ASTN2: variants seen among roughly 807,000 people sequenced by gnomAD.
The protein encoded by ASTN2 is astrotactin 2.
Under a neutral mutation model 139.8 loss-of-function variants are expected in ASTN2, and 54 were observed. That is an observed-to-expected ratio of 0.39 (90% CI 0.31 to 0.48). The LOEUF is 0.48. ASTN2 is among the 20% of genes least tolerant of loss of function. ASTN2 has a pLI of 0.95. For missense variants in ASTN2, 1,565 were observed against 1,725.1 expected, an observed-to-expected ratio of 0.91 and a Z score of 1.64; for synonymous variants, 756 against 719.5, an observed-to-expected ratio of 1.05 and a Z score of -0.81.
intron 10 of ASTN2, among the ~76,000 whole-genome samples, chr9:116,868,019 G>C (rs1162776228): frequency 1.3e-5 from 2 of 152,168 alleles, no homozygotes; most frequent in African/African-American, 4.8e-5. Flanking sequence ...CGGGGAGTGG[G>C]AGGCAGCAAA....
chr9:116,660,081 T>C (rs1038983361), intron 16 of ASTN2, among the ~76,000 whole-genome samples: 13 of 151,948 alleles, frequency 8.6e-5, no homozygotes, highest in Non-Finnish European at 1.3e-4. Flanking sequence ...CCAGGAACCA[T>C]AGGGCATTGT....
intron 10 of ASTN2, among the ~76,000 whole-genome samples, chr9:116,950,469 G>A (rs1469337639): frequency 6.6e-6 from 1 of 152,100 alleles, no homozygotes; most frequent in Non-Finnish European, 1.5e-5. Flanking sequence ...ATAACTAGAG[G>A]AGAAGATTAA....
intron 13 of ASTN2, among the ~76,000 whole-genome samples, chr9:116,772,550 G>T (rs994685739): frequency 1.3e-5 from 2 of 152,198 alleles, no homozygotes; most frequent in African/African-American, 4.8e-5. Flanking sequence ...TAAGATCAAG[G>T]AGGTGGACTT....
intron 5 of ASTN2, among the ~76,000 whole-genome samples, chr9:117,058,820 A>T (rs1395834918): frequency 6.6e-6 from 1 of 152,190 alleles, no homozygotes; most frequent in Non-Finnish European, 1.5e-5. Flanking sequence ...GAGTGAGTAT[A>T]CCAGAAAGAC....
At chr9:116,882,250 AG>A (rs1833467998) in intron 10 of ASTN2, among the ~76,000 whole-genome samples, 1 of 152,204 alleles carries the variant, frequency 6.6e-6, no homozygotes, top group African/African-American at 2.4e-5. Context: ...AAAGACTATT[AG>A]AGAGGTCTGT....
intron 22 of ASTN2, among the ~76,000 whole-genome samples, chr9:116,433,064 T>C (rs571964982): frequency 8.5e-5 from 13 of 152,272 alleles, no homozygotes; most frequent in Admixed American, 2.0e-4. Context: ...CAGAGGTCAA[T>C]AAAGGGAATG....
intron 10 of ASTN2, among the ~76,000 whole-genome samples, chr9:116,938,131 T>C (rs1325654475): frequency 6.6e-6 from 1 of 152,184 alleles, no homozygotes; most frequent in African/African-American, 2.4e-5. Context: ...ACACCTGTGG[T>C]CTTTCTACTA....
At chr9:116,796,594 C>A (rs897251549) in intron 13 of ASTN2, among the ~76,000 whole-genome samples, 1 of 152,040 alleles carries the variant, frequency 6.6e-6, no homozygotes, top group Admixed American at 6.6e-5. Context: ...CAGGAAATGG[C>A]AGAGCAGTAT....
intron 16 of ASTN2, among the ~76,000 whole-genome samples, chr9:116,665,789 A>C (rs1310265129): frequency 1.3e-5 from 2 of 152,366 alleles, no homozygotes; most frequent in South Asian, 2.1e-4. Context: ...AATTGATTTA[A>C]ATTTATCAAA....
intron 19 of ASTN2, among the ~76,000 whole-genome samples, chr9:116,563,361 C>G (rs62576080): frequency 0.16 from 23,959 of 149,876 alleles, 2,067 homozygotes; most frequent in African/African-American, 0.21. Flanking sequence ...GGTGATAGAG[C>G]GAGACTCTGT....
At chr9:117,185,739 G>A (rs1330869290) in intron 3 of ASTN2, among the ~76,000 whole-genome samples, 1 of 152,182 alleles carries the variant, frequency 6.6e-6, no homozygotes, top group Non-Finnish European at 1.5e-5. Flanking sequence ...AGGCACAGAA[G>A]CTGTGAAGCA....
chr9:117,302,094 T>A (rs1380269360), intron 1 of ASTN2, among the ~76,000 whole-genome samples: 1 of 11,878 alleles, frequency 8.4e-5, no homozygotes, highest in Admixed American at 1.1e-3. Flanking sequence ...GTGGTGGGGG[T>A]GGGAGGGGGG....
intron 2 of ASTN2, among the ~76,000 whole-genome samples, chr9:117,248,360 G>A (rs1470341496): frequency 1.3e-5 from 2 of 152,118 alleles, no homozygotes; most frequent in African/African-American, 4.8e-5. Flanking sequence ...CGAATAAAAA[G>A]AGGAGTGACA....
chr9:116,956,743 G>A (rs115331633), intron 10 of ASTN2, among the ~76,000 whole-genome samples: 3,607 of 151,880 alleles, frequency 0.024, 113 homozygotes, highest in African/African-American at 0.083. Context: ...CACAGTATGG[G>A]GTCAACGTAT....
chr9:117,327,904 T>C (rs1190607200), intron 1 of ASTN2, among the ~76,000 whole-genome samples: 1 of 152,194 alleles, frequency 6.6e-6, no homozygotes. Context: ...CCTCAATCAT[T>C]TCAGAGCCAA....
chr9:116,426,447 AGACAC>A (rs1847312701), intron 22 of ASTN2, among the ~76,000 whole-genome samples: 1 of 152,208 alleles, frequency 6.6e-6, no homozygotes, highest in Admixed American at 6.5e-5. Context: ...ACCATATGCT[AGACAC>A]TGGGTATGCA....
intron 19 of ASTN2, among the ~76,000 whole-genome samples, chr9:116,559,988 T>C (rs1852825457): frequency 6.6e-6 from 1 of 152,232 alleles, no homozygotes; most frequent in African/African-American, 2.4e-5. Flanking sequence ...AAAGCAATTT[T>C]AAGGTCTTGC....
chr9:117,345,942 G>A (rs774196882), intron 1 of ASTN2, among the ~76,000 whole-genome samples: 1 of 143,490 alleles, frequency 7.0e-6, no homozygotes, highest in Admixed American at 7.3e-5. Flanking sequence ...AGGTTTTCTT[G>A]TAACTCCCAT....
At chr9:116,565,251 CACACACAT>C (rs1471431698) in intron 19 of ASTN2, among the ~76,000 whole-genome samples, 55 of 120,568 alleles carry the variant, frequency 4.6e-4, no homozygotes, top group African/African-American at 1.7e-3. Flanking sequence ...CACACACACA[CACACACAT>C]ATGCCCCATA....
Sources: allele counts gnomAD v4.1 joint callset (sites outside exome capture counted in the v4.1 genomes callset), GRCh38; gene constraint gnomAD v4.1.1; transcripts MANE v1.5; gene names NCBI Gene and HGNC (gene_info 2026-07-23, HGNC 2026-07-21).